Variants in EPHA6 observed in about 807,000 individuals in gnomAD.
EPHA6 encodes EPH receptor A6, also known as ephrin type-A receptor 6.
Under a neutral mutation model 112.0 loss-of-function variants are expected in EPHA6, and 50 were observed. The observed-to-expected ratio is 0.45, with a 90% CI of 0.36 to 0.56. EPHA6 has a LOEUF of 0.56. Ranked by LOEUF, EPHA6 falls within the 20% of genes least tolerant of loss-of-function variation. The pLI is 0.00. For synonymous variants in EPHA6, 529 were observed against 490.7 expected (o/e 1.08, Z -1.03); for missense variants, 1,280 against 1,417.4 (o/e 0.90, Z 1.56).
intron 16 of EPHA6, among the ~76,000 whole-genome samples, chr3:97,740,345 A>T (rs900157053): frequency 6.6e-6 from 1 of 152,124 alleles, no homozygotes; most frequent in Non-Finnish European, 1.5e-5. Flanking sequence ...CCAGCATGTC[A>T]CTGACAAAGA....
rs142604026 is a variant in EPHA6 at position 97,486,568 on chromosome 3, A to G, written c.2200+2509A>G. On this transcript the variant is annotated intron_variant, in intron 10 of 17. Coordinates refer to ENST00000389672, the MANE Select transcript of EPHA6 (RefSeq NM_001080448.3). Reference sequence around the variant, plus strand: ...GCATCATAACATGGTGGAAGGCATCACATGGGTGAGGGAGAGAAAAAGGGG... The same window carrying G: ...GCATCATAACATGGTGGAAGGCATCGCATGGGTGAGGGAGAGAAAAAGGGG... 1.2e-4 allele frequency among the ~76,000 whole-genome samples: 19 copies of G among 152,282 alleles called. No homozygotes were observed. In the East Asian group the frequency reaches 3.5e-3, roughly 28 times the overall value.
intron 3 of EPHA6, among the ~76,000 whole-genome samples, chr3:97,119,160 A>G (rs2047974376): frequency 6.6e-6 from 1 of 151,918 alleles, no homozygotes; most frequent in Non-Finnish European, 1.5e-5. Flanking sequence ...TATCACTTCC[A>G]ATTAATCAGT....
chr3:97,213,398 G>A (rs111614549), intron 3 of EPHA6, among the ~76,000 whole-genome samples: 8,760 of 152,148 alleles, frequency 0.058, 643 homozygotes, highest in Admixed American at 0.2. Flanking sequence ...TCCCATTTCT[G>A]GCCACCACCA....
At chr3:97,441,142 C>T (rs750528305) in intron 6 of EPHA6, among the ~76,000 whole-genome samples, 4 of 151,612 alleles carry the variant, frequency 2.6e-5, no homozygotes, top group African/African-American at 4.8e-5. Flanking sequence ...ACCCAAATAT[C>T]GTGAGATTGA....
intron 3 of EPHA6, among the ~76,000 whole-genome samples, chr3:97,073,963 A>AT (rs1245560929): frequency 1.3e-5 from 2 of 151,822 alleles, no homozygotes; most frequent in East Asian, 1.9e-4. Context: ...TTGGCCATTT[A>AT]TTTTTTTAAT....
intron 3 of EPHA6, among the ~76,000 whole-genome samples, chr3:97,005,513 T>G (rs969321445): frequency 1.3e-5 from 2 of 152,296 alleles, no homozygotes; most frequent in Middle Eastern, 3.4e-3. Flanking sequence ...AAGAGGTTTT[T>G]GGGCTGAAAT....
At chr3:97,497,847 G>C (rs959639511) in intron 10 of EPHA6, among the ~76,000 whole-genome samples, 3 of 151,992 alleles carry the variant, frequency 2.0e-5, no homozygotes, top group African/African-American at 7.2e-5. Flanking sequence ...TGAATTTTAG[G>C]AGAATTACAT....
At chr3:97,212,668 T>C (rs1030472994) in intron 3 of EPHA6, among the ~76,000 whole-genome samples, 1 of 152,194 alleles carries the variant, frequency 6.6e-6, no homozygotes, top group Non-Finnish European at 1.5e-5. Flanking sequence ...CTTGAGTGTA[T>C]GTGCTTTTTT....
chr3:96,991,706 A>T (rs761478662), intron 3 of EPHA6, among the ~76,000 whole-genome samples: 11 of 152,180 alleles, frequency 7.2e-5, no homozygotes, highest in Admixed American at 2.0e-4. Context: ...TTAGGACATC[A>T]TGTTGAAGTC....
At chr3:96,873,135 G>T (rs1490462904) in intron 2 of EPHA6, among the ~76,000 whole-genome samples, 1 of 151,912 alleles carries the variant, frequency 6.6e-6, no homozygotes, top group Non-Finnish European at 1.5e-5. Context: ...GGGCATGGTG[G>T]GTACCTGTAA....
In EPHA6 at chr3:97,612,611, G is replaced by A. The variant is rs1480651617; in HGVS notation, c.2574+1757G>A. On this transcript the variant is annotated intron_variant, in intron 13 of 17. Coordinates refer to ENST00000389672, the MANE Select transcript of EPHA6 (RefSeq NM_001080448.3). ...TAAACATCTTACTACATGTTTAGAA[G>A]TAGTGTATTTTATGCTTTAAATTTT... is the stretch of plus-strand genomic sequence containing the variant. 2.4e-5 allele frequency: 5 copies of A among 209,538 alleles called. No individual in the cohort carries two copies. The East Asian group carries it at 5.4e-4, about 22-fold the overall frequency. The allele number at this position is 209,538 out of a possible 1,614,324, so 13.0% of individuals were successfully genotyped here. A position where few individuals can be genotyped will look rare whatever the true frequency, so the allele number is the denominator to read the frequency against.
At chr3:97,729,770 G>C (rs150753095) in intron 15 of EPHA6, among the ~76,000 whole-genome samples, 1 of 151,314 alleles carries the variant, frequency 6.6e-6, no homozygotes, top group Non-Finnish European at 1.5e-5. Flanking sequence ...TACATTACCA[G>C]TGTTTTCAGT....
At chr3:97,617,858 A>G (rs997052736) in intron 13 of EPHA6, among the ~76,000 whole-genome samples, 2 of 152,174 alleles carry the variant, frequency 1.3e-5, no homozygotes, top group African/African-American at 4.8e-5. Context: ...CACTGTGAAT[A>G]TTAGACAGAT....
At chr3:97,584,954 C>T (rs2093474785) in intron 11 of EPHA6, among the ~76,000 whole-genome samples, 1 of 152,148 alleles carries the variant, frequency 6.6e-6, no homozygotes, top group Non-Finnish European at 1.5e-5. Flanking sequence ...ATGGTAGAGT[C>T]AGAATTCAAA....
chr3:97,078,677 T>A (rs1201782870), intron 3 of EPHA6, among the ~76,000 whole-genome samples: 1 of 152,176 alleles, frequency 6.6e-6, no homozygotes, highest in Non-Finnish European at 1.5e-5. Context: ...CTTGTTTTTG[T>A]CGGGTTTGTC....
intron 5 of EPHA6, among the ~76,000 whole-genome samples, chr3:97,340,128 T>A (rs1422165732): frequency 6.6e-6 from 1 of 152,248 alleles, no homozygotes; most frequent in Non-Finnish European, 1.5e-5. Context: ...AAGATAAGAC[T>A]CTTATTTCAA....
chr3:97,351,800 G>T (rs886423397), intron 5 of EPHA6, among the ~76,000 whole-genome samples: 1 of 152,044 alleles, frequency 6.6e-6, no homozygotes. Flanking sequence ...TAATATCTGG[G>T]AATTGGGGAT....
chr3:97,301,608 C>T (rs547922997), intron 5 of EPHA6, among the ~76,000 whole-genome samples: 10 of 152,180 alleles, frequency 6.6e-5, no homozygotes, highest in Admixed American at 2.6e-4. Flanking sequence ...CCATCAGGCT[C>T]CTAGACTATT....
intron 3 of EPHA6, among the ~76,000 whole-genome samples, chr3:97,187,743 A>T (rs370287025): frequency 6.9e-6 from 1 of 145,576 alleles, no homozygotes; most frequent in Non-Finnish European, 1.5e-5. Context: ...GAAAGAAAGA[A>T]AGAGGAAAGA....
Sources: gnomAD v4.1 joint callset for allele counts (sites outside exome capture counted in the v4.1 genomes callset) on GRCh38, gnomAD v4.1.1 for gene constraint, MANE v1.5 for transcripts, NCBI Gene and HGNC (gene_info 2026-07-23, HGNC 2026-07-21) for gene names.